The following TRIM75 variants were observed in gnomAD, a reference collection of about 807,000 sequenced individuals.
The protein encoded by TRIM75 is tripartite motif-containing protein 75.
At chr4:165,054,087 GT>G in the TRIM75 span, among the ~76,000 whole-genome samples, 4 of 151,840 alleles carry the variant, frequency 2.6e-5, no homozygotes, top group African/African-American at 9.7e-5. Context: ...GTTATTTAAT[GT>G]TTTTATTTTC....
At chr4:165,060,399 G>C in the TRIM75 span, 2 of 780,910 alleles carry the variant, frequency 2.6e-6, no homozygotes, top group Non-Finnish European at 4.8e-6. Flanking sequence ...CATTTTCCTG[G>C]ACTATGAGAT....
the TRIM75 span, chr4:165,059,364 A>C: frequency 1.3e-6 from 1 of 780,700 alleles, no homozygotes; most frequent in African/African-American, 1.7e-5. Context: ...CCAGCTGGGA[A>C]GGATGATTGA....
At chr4:165,058,338 TTTTTTTTA>T in the TRIM75 span, among the ~76,000 whole-genome samples, 37 of 152,106 alleles carry the variant, frequency 2.4e-4, no homozygotes, top group African/African-American at 8.4e-4. Flanking sequence ...CCAACTAATT[TTTTTTTTA>T]TTTTTTTATT....
At chr4:165,054,793 A>G in the TRIM75 span, among the ~76,000 whole-genome samples, 4 of 152,194 alleles carry the variant, frequency 2.6e-5, no homozygotes, top group African/African-American at 7.2e-5. Flanking sequence ...CTTACTAAAA[A>G]AAGTTAAGCT....
At chr4:165,055,104 A>G in the TRIM75 span, among the ~76,000 whole-genome samples, 1 of 151,986 alleles carries the variant, frequency 6.6e-6, no homozygotes, top group African/African-American at 2.4e-5. Context: ...CCACACAGTT[A>G]ATAAGGGAAC....
the TRIM75 span, among the ~76,000 whole-genome samples, chr4:165,057,595 G>A: frequency 2.0e-5 from 3 of 151,778 alleles, no homozygotes; most frequent in Non-Finnish European, 4.4e-5. Flanking sequence ...GTGCAGTGGT[G>A]CGATCTCAGC....
chr4:165,055,110 G>A, the TRIM75 span, among the ~76,000 whole-genome samples: 3 of 151,458 alleles, frequency 2.0e-5, no homozygotes, highest in African/African-American at 7.3e-5. Flanking sequence ...AGTTAATAAG[G>A]GAACACCAGG....
the TRIM75 span, among the ~76,000 whole-genome samples, chr4:165,054,266 A>ATTTTTTTTTTTTTTTTT: frequency 1.0e-5 from 1 of 96,878 alleles, no homozygotes; most frequent in Non-Finnish European, 2.0e-5. Flanking sequence ...TAATTTGTGT[A>ATTTTTTTTTTTTTTTTT]TTTTTTTTTT....
At chr4:165,056,602 C>CTTT in the TRIM75 span, among the ~76,000 whole-genome samples, 420 of 69,992 alleles carry the variant, frequency 6.0e-3, 39 homozygotes, top group East Asian at 8.7e-3. Context: ...GTCTCTGTCT[C>CTTT]TTTTTTTTTT....
chr4:165,060,438 G>T, the TRIM75 span: 1 of 780,754 alleles, frequency 1.3e-6, no homozygotes, highest in South Asian at 1.3e-5. Context: ...TAACATGGCT[G>T]AGAAATCTCA....
chr4:165,055,370 C>T, the TRIM75 span, among the ~76,000 whole-genome samples: 2 of 151,304 alleles, frequency 1.3e-5, no homozygotes, highest in African/African-American at 4.9e-5. Flanking sequence ...CCGCAACCTC[C>T]ATGTCCCAGG....
the TRIM75 span, among the ~76,000 whole-genome samples, chr4:165,056,309 T>TA: frequency 5.3e-5 from 8 of 151,402 alleles, no homozygotes; most frequent in Non-Finnish European, 8.8e-5. Context: ...TTTTTTTTTT[T>TA]AAAGAAGTGA....
chr4:165,054,620 G>A, the TRIM75 span, among the ~76,000 whole-genome samples: 1 of 151,854 alleles, frequency 6.6e-6, no homozygotes, highest in Non-Finnish European at 1.5e-5. Context: ...GGTTGGTCTC[G>A]AACCCCTGAT....
the TRIM75 span, among the ~76,000 whole-genome samples, chr4:165,056,807 G>A: frequency 6.6e-6 from 1 of 151,728 alleles, no homozygotes; most frequent in Non-Finnish European, 1.5e-5. Context: ...AGTACAGACG[G>A]GGTTTCACCA....
At chr4:165,056,430 G>A in the TRIM75 span, among the ~76,000 whole-genome samples, 1 of 151,850 alleles carries the variant, frequency 6.6e-6, no homozygotes, top group African/African-American at 2.4e-5. Flanking sequence ...GATCCTGGGA[G>A]TAATTTCTGA....
chr4:165,056,075 C>A, the TRIM75 span, among the ~76,000 whole-genome samples: 253 of 152,074 alleles, frequency 1.7e-3, no homozygotes, highest in African/African-American at 5.8e-3. Flanking sequence ...GTTATCTACA[C>A]CCATCAACAC....
At chr4:165,057,612 C>T in the TRIM75 span, among the ~76,000 whole-genome samples, 1 of 151,874 alleles carries the variant, frequency 6.6e-6, no homozygotes, top group East Asian at 1.9e-4. Flanking sequence ...CAGCTCACTG[C>T]AACCGCCGCC....
At chr4:165,060,140 A>T in the TRIM75 span, 2 of 780,804 alleles carry the variant, frequency 2.6e-6, no homozygotes, top group Admixed American at 1.7e-5. Context: ...TCCCAAAAAG[A>T]TTTACAGTCA....
chr4:165,054,033 A>C, the TRIM75 span, among the ~76,000 whole-genome samples: 1 of 152,088 alleles, frequency 6.6e-6, no homozygotes, highest in African/African-American at 2.4e-5. Flanking sequence ...CTCTGTGCCT[A>C]GAGGGAGCTT....
Sources: allele counts gnomAD v4.1 joint callset (sites outside exome capture counted in the v4.1 genomes callset), GRCh38; gene constraint gnomAD v4.1.1; transcripts MANE v1.5; gene names NCBI Gene and HGNC (gene_info 2026-07-23, HGNC 2026-07-21).